The following SNRPF variants were observed in gnomAD, a reference collection of about 807,000 sequenced individuals.
SNRPF encodes small nuclear ribonucleoprotein polypeptide F.
A neutral mutation model predicts 13.4 loss-of-function variants in SNRPF; 1 was observed. The ratio of observed to expected loss-of-function variants is 0.07; its 90% CI spans 0.03 to 0.35. The LOEUF (loss-of-function observed/expected upper bound fraction) is 0.35, where lower values mean the gene tolerates loss of function less well. Among genes scored for constraint, SNRPF ranks in the 10% least tolerant of loss-of-function variants. The pLI, the probability that SNRPF is intolerant of heterozygous loss-of-function variation, is 0.99. For missense variants in SNRPF, 53 were observed against 101.0 expected (o/e 0.52, Z 2.04); for synonymous variants, 27 against 32.1 (o/e 0.84, Z 0.54).
intron 1 of SNRPF, among the ~76,000 whole-genome samples, chr12:95,859,498 A>T (rs929353362): frequency 6.6e-6 from 1 of 152,248 alleles, no homozygotes; most frequent in African/African-American, 2.4e-5. Flanking sequence ...ATTGCAAATA[A>T]TAAGTGCTAA....
At chr12:95,862,199 A>G (rs2079499469) in intron 2 of SNRPF, among the ~76,000 whole-genome samples, 1 of 152,004 alleles carries the variant, frequency 6.6e-6, no homozygotes, top group Non-Finnish European at 1.5e-5. Flanking sequence ...CATGTGTCAG[A>G]ATTTCCTTTT....
chr12:95,865,696 G>A (rs1225749610), intron 3 of SNRPF, among the ~76,000 whole-genome samples: 3 of 152,050 alleles, frequency 2.0e-5, no homozygotes, highest in Non-Finnish European at 2.9e-5. Context: ...TTGAATTTTA[G>A]TTGGGTCTGG....
rs1361052440 is a variant in SNRPF, at chr12:95,866,083, G to A, written c.*12G>A. ...AAATGAGAGAATAGCATCTTTTGTG[G>A]GGGATTTTTTTTATATATATTTCTA... On this transcript the variant is annotated 3_prime_UTR_variant, in exon 4 of 4. Coordinates refer to ENST00000266735, the MANE Select transcript of SNRPF (RefSeq NM_003095.5). The A allele has an allele frequency of 2.2e-6, 3 of 1,376,612 alleles. No individual in the cohort carries two copies. Among genetic ancestry groups the A allele is most frequent in the South Asian group, 2.5e-5 (2 of 79,598 alleles). The allele number at this position is 1,376,612 out of a possible 1,614,324, so 85.3% of individuals were successfully genotyped here.
rs772468515 is a variant in SNRPF, at chr12:95,865,307, T to C, written c.130-17T>C. ...CCTCCTGTGTGATTATACTAATATA[T>C]TTCTTTTTATTGAAAGCTTGCAAAT... On this transcript the variant is annotated splice_polypyrimidine_tract_variant and intron_variant, in intron 2 of 3. Transcript: ENST00000266735. The C allele has an allele frequency of 2.5e-5, 33 of 1,321,102 alleles. No homozygotes were observed. The highest frequency in any genetic ancestry group is 3.4e-5 in the Non-Finnish European group (31 of 915,990). The allele number at this position is 1,321,102 out of a possible 1,614,324, so 81.8% of individuals were successfully genotyped here.
intron 1 of SNRPF, among the ~76,000 whole-genome samples, chr12:95,859,825 C>A (rs577905909): frequency 6.6e-6 from 1 of 152,168 alleles, no homozygotes; most frequent in East Asian, 1.9e-4. Flanking sequence ...GATTGTACTC[C>A]AAATCAATTT....
At chr12:95,863,949 T>G (rs937054163) in intron 2 of SNRPF, among the ~76,000 whole-genome samples, 3 of 152,170 alleles carry the variant, frequency 2.0e-5, no homozygotes, top group Admixed American at 6.6e-5. Context: ...AGAGAGCCTG[T>G]TAAGTGATGG....
chr12:95,861,342 A>G (rs751540380), intron 2 of SNRPF, 49 bp downstream of exon 2: 1 of 1,556,722 alleles, frequency 6.4e-7, no homozygotes, highest in South Asian at 1.1e-5. Context: ...ATTTTGCTTC[A>G]CCTTATTTCT....
chr12:95,859,224 T>C (rs1281773626), intron 1 of SNRPF, 148 bp downstream of exon 1: 13 of 617,820 alleles, frequency 2.1e-5, no homozygotes, highest in Non-Finnish European at 3.6e-5. Flanking sequence ...ACTCTGCTTT[T>C]AGGTTTCTGA....
intron 2 of SNRPF, among the ~76,000 whole-genome samples, chr12:95,864,012 TA>T (rs1424005236): frequency 6.6e-6 from 1 of 152,252 alleles, no homozygotes; most frequent in Non-Finnish European, 1.5e-5. Context: ...TTAGAAATGT[TA>T]AATGTTGTAA....
At chr12:95,859,161 C>G in intron 1 of SNRPF, 85 bp downstream of exon 1, 2 of 1,234,466 alleles carry the variant, frequency 1.6e-6, no homozygotes, top group Non-Finnish European at 2.4e-6. Flanking sequence ...TTCCTTCGCG[C>G]GTTTCCCATT....
Position 95,862,411 on chromosome 12 carries a change from C to A in SNRPF, c.129+1118C>A, listed in dbSNP as rs531746717. ...TGGAATTACTGGATTACTGGTAATT[C>A]TATGTTTAATTTTTTAAGGAGGCCA... On this transcript the variant is annotated intron_variant, in intron 2 of 3. Coordinates refer to ENST00000266735, the MANE Select transcript of SNRPF (RefSeq NM_003095.5). Among the ~76,000 whole-genome samples, 4 of 152,140 alleles carry A rather than the reference C, an allele frequency of 2.6e-5. No homozygotes were observed. The East Asian group carries it at 7.7e-4, about 29-fold the overall frequency.
chr12:95,860,796 G>A (rs560195483), intron 1 of SNRPF, among the ~76,000 whole-genome samples: 4 of 150,262 alleles, frequency 2.7e-5, no homozygotes, highest in East Asian at 1.9e-4. Flanking sequence ...GTGATCCCCC[G>A]GCCTTGGCCT....
At chr12:95,860,144 A>G (rs1273855360) in intron 1 of SNRPF, among the ~76,000 whole-genome samples, 1 of 152,222 alleles carries the variant, frequency 6.6e-6, no homozygotes, top group East Asian at 1.9e-4. Context: ...TAATTGCTGT[A>G]AGTAAGAGGC....
At chr12:95,862,275 A>G (rs990463161) in intron 2 of SNRPF, among the ~76,000 whole-genome samples, 6 of 152,164 alleles carry the variant, frequency 3.9e-5, no homozygotes, top group African/African-American at 1.4e-4. Context: ...CTTGGTGGAC[A>G]CTGGGTTGCT....
chr12:95,864,682 A>T (rs185509136), intron 2 of SNRPF, among the ~76,000 whole-genome samples: 1 of 152,346 alleles, frequency 6.6e-6, no homozygotes, highest in East Asian at 1.9e-4. Flanking sequence ...AGGCAGGAGG[A>T]TCACTTGAAG....
intron 1 of SNRPF, among the ~76,000 whole-genome samples, chr12:95,860,819 G>T (rs1046869833): frequency 1.4e-5 from 2 of 146,586 alleles, no homozygotes; most frequent in Non-Finnish European, 3.0e-5. Flanking sequence ...CAGATTACTG[G>T]AATTACAGAT....
chr12:95,861,453 A>T, intron 2 of SNRPF, 160 bp downstream of exon 2: 1 of 527,104 alleles, frequency 1.9e-6, no homozygotes. Context: ...ACTGTGATAT[A>T]CTAGGTACAA....
Position 95,859,027 on chromosome 12 carries a change from C to T in SNRPF, c.-47C>T. 6.2e-7 allele frequency: 1 copy of T among 1,609,474 alleles called. No individual in the cohort carries two copies. The highest frequency in any genetic ancestry group is 8.5e-7 in the Non-Finnish European group (1 of 1,178,722). ...TGCTGTAGTCACGAGGGACGGGCGG[C>T]GGCCTGGTCGGCAGAGAGTAGCCTG... is the stretch of plus-strand genomic sequence containing the variant. On this transcript the variant is annotated 5_prime_UTR_variant, in exon 1 of 4. Coordinates refer to ENST00000266735, the MANE Select transcript of SNRPF (RefSeq NM_003095.5).
chr12:95,863,914 A>C (rs79405761), intron 2 of SNRPF, among the ~76,000 whole-genome samples: 2,878 of 152,288 alleles, frequency 0.019, 42 homozygotes, highest in Non-Finnish European at 0.02. Context: ...CGAATGACAG[A>C]AAGTTAGGTT....
Sources: gnomAD v4.1 joint callset for allele counts (sites outside exome capture counted in the v4.1 genomes callset) on GRCh38, gnomAD v4.1.1 for gene constraint, MANE v1.5 for transcripts, NCBI Gene and HGNC (gene_info 2026-07-23, HGNC 2026-07-21) for gene names.